Variants in ST8SIA1 observed in about 807,000 individuals in gnomAD.
The protein encoded by ST8SIA1 is ST8 alpha-N-acetyl-neuraminide alpha-2,8-sialyltransferase 1.
ST8SIA1 carries 16 observed loss-of-function variants against 35.9 expected under a neutral mutation model. The ratio of observed to expected loss-of-function variants is 0.45; its 90% CI spans 0.30 to 0.68. The LOEUF is 0.68. Ranked by LOEUF, ST8SIA1 falls within the 30% of genes least tolerant of loss-of-function variation. The pLI, the probability that ST8SIA1 is intolerant of heterozygous loss-of-function variation, is 0.09. For synonymous variants in ST8SIA1, 170 were observed against 169.6 expected (o/e 1.00, Z -0.02); for missense variants, 383 against 453.6 (o/e 0.84, Z 1.41).
At chr12:22,274,721 C>T (rs1438337460) in intron 2 of ST8SIA1, among the ~76,000 whole-genome samples, 1 of 152,214 alleles carries the variant, frequency 6.6e-6, no homozygotes, top group African/African-American at 2.4e-5. Flanking sequence ...AGGACCTTTC[C>T]TTCTTCCATC....
chr12:22,321,876 G>A (rs1209731548), intron 1 of ST8SIA1, among the ~76,000 whole-genome samples: 1 of 152,218 alleles, frequency 6.6e-6, no homozygotes, highest in Non-Finnish European at 1.5e-5. Context: ...GTGGCAGGTT[G>A]AGTTGAGAAC....
At position 22,255,840 on chromosome 12, in the gene ST8SIA1, T is replaced by C. The variant is rs922383372; in HGVS notation, c.382-451A>G. ...TTCTGAACATTTCCTTTGCTAACTG[T>C]TGGGGAGAGATACATGTGGACAGAA... is the stretch of plus-strand genomic sequence containing the variant. On this transcript the variant is annotated intron_variant, in intron 2 of 4. Coordinates refer to ENST00000396037, the MANE Select transcript of ST8SIA1 (RefSeq NM_003034.4). Among the ~76,000 whole-genome samples the C allele has an allele frequency of 6.6e-5, 10 of 152,254 alleles. No homozygotes were observed. The South Asian group carries it at 1.2e-3, about 19-fold the overall frequency.
At chr12:22,318,341 C>G (rs1866544780) in intron 1 of ST8SIA1, among the ~76,000 whole-genome samples, 1 of 152,184 alleles carries the variant, frequency 6.6e-6, no homozygotes, top group Admixed American at 6.5e-5. Context: ...ATTCATTGCT[C>G]CACTCCTGTT....
In ST8SIA1 at chr12:22,334,021, T is replaced by C; in HGVS notation, c.212A>G (p.Asn71Ser). The change falls in exon 1 of 5, where the codon AAC (asparagine) becomes AGC (serine). Residue 71 changes from asparagine (N) to serine (S), a missense_variant. Physicochemically the swap from Asn to Ser is conservative, Grantham distance 46. Transcript: ENST00000396037. The part of the protein sequence containing the change: ...VLQQGTAWRR[N>S]QTAARAFRKQ... ...CCTGAACGCTCTGGCCGCGGTCTGGTTCCTCCTCCACGCCGTGCCCTGTTG... is the reference window on the plus strand; with the variant it reads ...CCTGAACGCTCTGGCCGCGGTCTGGCTCCTCCTCCACGCCGTGCCCTGTTG... 1 of 1,613,756 alleles carries C rather than the reference T, an allele frequency of 6.2e-7. No individual in the cohort carries two copies. Among genetic ancestry groups the C allele is most frequent in the Non-Finnish European group, 8.5e-7 (1 of 1,179,970 alleles).
intron 4 of ST8SIA1, among the ~76,000 whole-genome samples, chr12:22,237,108 T>G (rs1399902333): frequency 1.5e-5 from 2 of 134,466 alleles, no homozygotes; most frequent in African/African-American, 5.1e-5. Context: ...AACAAGGCCT[T>G]TTTTTAAAGA....
At chr12:22,275,023 G>C (rs1019760842) in intron 2 of ST8SIA1, among the ~76,000 whole-genome samples, 1 of 152,076 alleles carries the variant, frequency 6.6e-6, no homozygotes, top group Non-Finnish European at 1.5e-5. Context: ...TACAAATTTG[G>C]GGGGGAGAAA....
At chr12:22,290,286 C>T (rs1005491562) in intron 1 of ST8SIA1, among the ~76,000 whole-genome samples, 2 of 152,208 alleles carry the variant, frequency 1.3e-5, no homozygotes, top group Admixed American at 6.5e-5. Context: ...AATGTGTATG[C>T]ATATCCCATG....
intron 1 of ST8SIA1, among the ~76,000 whole-genome samples, chr12:22,316,917 A>G (rs968448697): frequency 5.5e-5 from 8 of 146,386 alleles, no homozygotes; most frequent in East Asian, 1.9e-4. Context: ...CAGTATCGGG[A>G]AAAAAAAACA....
chr12:22,313,227 C>T (rs553388466), intron 1 of ST8SIA1, among the ~76,000 whole-genome samples: 1 of 152,268 alleles, frequency 6.6e-6, no homozygotes, highest in East Asian at 1.9e-4. Context: ...AAAGCTCATA[C>T]ATATAAACCC....
At chr12:22,233,087 C>T (rs1265250870) in intron 4 of ST8SIA1, among the ~76,000 whole-genome samples, 2 of 152,128 alleles carry the variant, frequency 1.3e-5, no homozygotes, top group South Asian at 4.2e-4. Flanking sequence ...TGCGTGCCAG[C>T]ACAATGAATG....
At chr12:22,321,694 C>T (rs552214415) in intron 1 of ST8SIA1, among the ~76,000 whole-genome samples, 2 of 152,246 alleles carry the variant, frequency 1.3e-5, no homozygotes, top group South Asian at 2.1e-4. Flanking sequence ...AACTGGGGTG[C>T]GGGGTGGAGG....
chr12:22,288,258 AG>A (rs1045603814), intron 1 of ST8SIA1, among the ~76,000 whole-genome samples: 3 of 152,228 alleles, frequency 2.0e-5, no homozygotes, highest in African/African-American at 7.2e-5. Flanking sequence ...GACCTCACCC[AG>A]AAACGCTTGC....
At chr12:22,207,376 A>T (rs1865123639) in intron 4 of ST8SIA1, among the ~76,000 whole-genome samples, 1 of 152,240 alleles carries the variant, frequency 6.6e-6, no homozygotes, top group Non-Finnish European at 1.5e-5. Flanking sequence ...TGCTGTGAGG[A>T]GCACATGAAG....
intron 3 of ST8SIA1, among the ~76,000 whole-genome samples, chr12:22,254,990 T>C (rs1865713623): frequency 1.3e-5 from 2 of 152,158 alleles, no homozygotes. Flanking sequence ...GACTGTACAA[T>C]CTAAAATGAG....
At position 22,245,713 on chromosome 12, in the gene ST8SIA1, G is replaced by T. The variant is rs368719036; in HGVS notation, c.584+3293C>A. ...TGGCAGCCCTATGCAGCTTCAGAGT[G>T]GGGGGCTGGTCACTGCAAAGAATCA... On this transcript the variant is annotated intron_variant, in intron 4 of 4. Transcript: ENST00000396037. Among the ~76,000 whole-genome samples the T allele has an allele frequency of 1.1e-4, 16 of 152,320 alleles. No homozygotes were observed. In the East Asian group the frequency reaches 1.5e-3, roughly 15 times the overall value.
chr12:22,203,075 A>G (rs1176432487), intron 4 of ST8SIA1, among the ~76,000 whole-genome samples: 1 of 152,192 alleles, frequency 6.6e-6, no homozygotes, highest in Non-Finnish European at 1.5e-5. Context: ...ACTTATGGCA[A>G]CTGTCAGTCT....
At chr12:22,333,587 C>T (rs963618784) in intron 1 of ST8SIA1, among the ~76,000 whole-genome samples, 1 of 152,208 alleles carries the variant, frequency 6.6e-6, no homozygotes, top group East Asian at 1.9e-4. Flanking sequence ...CACTCCACCT[C>T]GGGGAGATGC....
At chr12:22,320,959 G>A (rs200151138) in intron 1 of ST8SIA1, among the ~76,000 whole-genome samples, 1,593 of 76,640 alleles carry the variant, frequency 0.021, 13 homozygotes, top group Non-Finnish European at 0.032. Flanking sequence ...GAAAGAAAGA[G>A]AAAGAAAGAA....
At chr12:22,262,690 G>A (rs1290647914) in intron 2 of ST8SIA1, among the ~76,000 whole-genome samples, 2 of 152,182 alleles carry the variant, frequency 1.3e-5, no homozygotes, top group Non-Finnish European at 2.9e-5. Context: ...TAGAGAATTG[G>A]ATGCAACAGT....
Sources: allele counts gnomAD v4.1 joint callset (sites outside exome capture counted in the v4.1 genomes callset), GRCh38; gene constraint gnomAD v4.1.1; transcripts MANE v1.5; gene names NCBI Gene and HGNC (gene_info 2026-07-23, HGNC 2026-07-21).